Variants in EFL1 observed in about 807,000 individuals in gnomAD.
The protein encoded by EFL1 is elongation factor-like GTPase 1.
A neutral mutation model predicts 126.7 loss-of-function variants in EFL1; 76 were observed. That is an observed-to-expected ratio of 0.60 (90% CI 0.50 to 0.73). EFL1 has a LOEUF of 0.73. Ranked by LOEUF, EFL1 falls within the 30% of genes least tolerant of loss-of-function variation. The pLI, the probability that EFL1 is intolerant of heterozygous loss-of-function variation, is 0.00. For synonymous variants in EFL1, 410 were observed against 448.4 expected (o/e 0.91, Z 1.08); for missense variants, 1,128 against 1,343.2 (o/e 0.84, Z 2.50).
At chr15:82,197,481 CAT>C (rs1290730772) in intron 15 of EFL1, among the ~76,000 whole-genome samples, 1 of 152,148 alleles carries the variant, frequency 6.6e-6, no homozygotes, top group Non-Finnish European at 1.5e-5. Context: ...ATCTGGGAAA[CAT>C]AAAACAAAAC....
chr15:82,177,881 C>T (rs991609127), intron 15 of EFL1, among the ~76,000 whole-genome samples: 49 of 152,240 alleles, frequency 3.2e-4, no homozygotes, highest in African/African-American at 1.2e-3. Context: ...AGAGAAAGTG[C>T]TGCAAAATGT....
At chr15:82,177,781 A>G (rs1466980724) in intron 15 of EFL1, among the ~76,000 whole-genome samples, 1 of 152,170 alleles carries the variant, frequency 6.6e-6, no homozygotes, top group African/African-American at 2.4e-5. Context: ...CACTTTTACC[A>G]TCTACCACTG....
intron 15 of EFL1, among the ~76,000 whole-genome samples, chr15:82,184,100 T>C (rs2141263525): frequency 6.6e-6 from 1 of 152,318 alleles, no homozygotes; most frequent in East Asian, 1.9e-4. Context: ...CTATAATCAG[T>C]GGTTAATAAT....
intron 14 of EFL1, among the ~76,000 whole-genome samples, chr15:82,216,816 A>T (rs550938109): frequency 1.3e-5 from 2 of 152,276 alleles, no homozygotes; most frequent in South Asian, 4.1e-4. Context: ...CCCATAAAAT[A>T]ATGATAATTC....
intron 7 of EFL1, among the ~76,000 whole-genome samples, chr15:82,231,555 T>C (rs759713854): frequency 2.6e-5 from 4 of 152,112 alleles, no homozygotes; most frequent in Admixed American, 6.6e-5. Context: ...GCATCTGCAT[T>C]GTCTGGATAA....
At chr15:82,242,020 C>T (rs1365655308) in intron 4 of EFL1, among the ~76,000 whole-genome samples, 1 of 152,160 alleles carries the variant, frequency 6.6e-6, no homozygotes. Flanking sequence ...AGGGTGATGA[C>T]ACATCCTGAG....
At position 82,228,204 on chromosome 15, in the gene EFL1, G is replaced by A. The variant is rs756763154; in HGVS notation, c.1056C>T (p.Ser352=). Residue 352 remains serine (S), a synonymous_variant, in exon 10 of 20, where the codon TCC becomes TCT. Coordinates refer to ENST00000268206, the MANE Select transcript of EFL1 (RefSeq NM_024580.6). ...AATAAAGGATACCAAGAACAGCATG[G>A]GATATGGGTAGCCACTGACTGCAAA... is the stretch of plus-strand genomic sequence containing the variant. ...NAICSQWLPI[S]HAVLAMVCQK... The A allele has an allele frequency of 6.2e-7, 1 of 1,612,772 alleles. No homozygotes were observed. Among genetic ancestry groups the A allele is most frequent in the Non-Finnish European group, 8.5e-7 (1 of 1,179,686 alleles).
chr15:82,223,321 C>T (rs1204603443), intron 12 of EFL1, among the ~76,000 whole-genome samples: 3 of 151,550 alleles, frequency 2.0e-5, no homozygotes, highest in African/African-American at 7.3e-5. Context: ...ATGACCTTGC[C>T]CAGGTATACC....
rs566419098 is a variant in EFL1, at chr15:82,163,084, G to A, written c.1882+769C>T. On this transcript the variant is annotated intron_variant, in intron 16 of 19. Coordinates refer to ENST00000268206, the MANE Select transcript of EFL1 (RefSeq NM_024580.6). ...GTTGTTATTATATGGTCAGGTATATGTGAATGTCAGGTGGCCAGCAGGAAA... is the reference window on the plus strand; with the variant it reads ...GTTGTTATTATATGGTCAGGTATATATGAATGTCAGGTGGCCAGCAGGAAA... Among the ~76,000 whole-genome samples, 40 of 152,324 alleles carry A rather than the reference G, an allele frequency of 2.6e-4. 1 individual carries two copies. In the East Asian group the frequency reaches 5.4e-3, roughly 21 times the overall value.
chr15:82,252,216 A>G (rs561019146), intron 4 of EFL1, among the ~76,000 whole-genome samples: 2 of 152,360 alleles, frequency 1.3e-5, no homozygotes, highest in Admixed American at 1.3e-4. Flanking sequence ...TTTTTAGTGA[A>G]TATCAGTGAC....
At chr15:82,211,592 CTAG>C (rs1332624230) in intron 15 of EFL1, among the ~76,000 whole-genome samples, 30 of 60,098 alleles carry the variant, frequency 5.0e-4, no homozygotes, top group African/African-American at 1.2e-3. Context: ...TAGACACATA[CTAG>C]ACACACACAC....
intron 15 of EFL1, among the ~76,000 whole-genome samples, chr15:82,184,023 G>T (rs1247607973): frequency 6.6e-6 from 1 of 152,208 alleles, no homozygotes; most frequent in African/African-American, 2.4e-5. Flanking sequence ...GGACCTCAGA[G>T]GTGGGTAAAG....
intron 3 of EFL1, among the ~76,000 whole-genome samples, chr15:82,256,263 C>A (rs2075065745): frequency 6.6e-6 from 1 of 152,168 alleles, no homozygotes; most frequent in South Asian, 2.1e-4. Flanking sequence ...GCATGAGCCA[C>A]CATGCCCGGC....
At chr15:82,171,635 T>A (rs1349737147) in intron 15 of EFL1, among the ~76,000 whole-genome samples, 1 of 152,214 alleles carries the variant, frequency 6.6e-6, no homozygotes, top group Non-Finnish European at 1.5e-5. Flanking sequence ...TGAAGATTTG[T>A]AAGACTCACT....
chr15:82,148,940 TG>T, intron 18 of EFL1, among the ~76,000 whole-genome samples: 1 of 150,208 alleles, frequency 6.7e-6, no homozygotes, highest in East Asian at 2.0e-4. Flanking sequence ...GGAGACAACA[TG>T]GACTTTCTAA....
intron 11 of EFL1, among the ~76,000 whole-genome samples, chr15:82,227,191 T>C (rs2074772467): frequency 6.6e-6 from 1 of 152,224 alleles, no homozygotes; most frequent in Non-Finnish European, 1.5e-5. Context: ...GGGAGCTTCT[T>C]TTCTCACGAG....
chr15:82,232,337 ATT>A (rs761913103), intron 7 of EFL1, among the ~76,000 whole-genome samples: 1 of 152,126 alleles, frequency 6.6e-6, no homozygotes, highest in Admixed American at 6.5e-5. Flanking sequence ...AACCTGTGAC[ATT>A]TTCTTTCTTT....
intron 12 of EFL1, 75 bp downstream of exon 12, chr15:82,225,090 T>TA (rs1170330628): frequency 8.5e-7 from 1 of 1,181,950 alleles, no homozygotes; most frequent in African/African-American, 1.6e-5. Context: ...GTGCCCCCCC[T>TA]ACCCACAGCC....
At chr15:82,247,683 G>A (rs532547334) in intron 4 of EFL1, among the ~76,000 whole-genome samples, 8 of 152,172 alleles carry the variant, frequency 5.3e-5, no homozygotes, top group Admixed American at 4.6e-4. Flanking sequence ...AGGGGGAAAC[G>A]TCAATAAAAA....
Sources: gnomAD v4.1 joint callset for allele counts (sites outside exome capture counted in the v4.1 genomes callset) on GRCh38, gnomAD v4.1.1 for gene constraint, MANE v1.5 for transcripts, NCBI Gene and HGNC (gene_info 2026-07-23, HGNC 2026-07-21) for gene names.